The following ADAMTS9 variants were observed in gnomAD, a reference collection of about 807,000 sequenced individuals.
ADAMTS9 encodes A disintegrin and metalloproteinase with thrombospondin motifs 9.
ADAMTS9 carries 107 observed loss-of-function variants against 257.1 expected under a neutral mutation model. The observed-to-expected ratio is 0.42, with a 90% CI of 0.36 to 0.49. ADAMTS9 has a LOEUF of 0.49. Among genes scored for constraint, ADAMTS9 ranks in the 20% least tolerant of loss-of-function variants. The probability of loss-of-function intolerance (pLI) is 0.03; values close to 1 mark genes in which losing one functional copy is unlikely to be tolerated. For synonymous variants in ADAMTS9, 982 were observed against 880.9 expected, an observed-to-expected ratio of 1.11 and a Z score of -2.03; for missense variants, 2,353 against 2,469.1, an observed-to-expected ratio of 0.95 and a Z score of 1.00.
intron 38 of ADAMTS9, among the ~76,000 whole-genome samples, chr3:64,529,403 G>A (rs1301887666): frequency 2.0e-5 from 3 of 152,026 alleles, no homozygotes; most frequent in Non-Finnish European, 2.9e-5. Context: ...AAGGAGGTTT[G>A]GAAAATTGAG....
At position 64,544,417 on chromosome 3, in the gene ADAMTS9, C is replaced by T. The variant is rs528458170; in HGVS notation, c.5064+2341G>A. Among the ~76,000 whole-genome samples the T allele has an allele frequency of 2.0e-5, 3 of 152,214 alleles. No individual in the cohort carries two copies. The South Asian group carries it at 6.2e-4, about 32-fold the overall frequency. On this transcript the variant is annotated intron_variant, in intron 32 of 39. Coordinates refer to ENST00000498707, the MANE Select transcript of ADAMTS9 (RefSeq NM_182920.2). Reference sequence around the variant, plus strand: ...CATGCTACTGGTACCAAAATAGAGACATAGACCAATGGAACAGAACAGAGC... The same window carrying T: ...CATGCTACTGGTACCAAAATAGAGATATAGACCAATGGAACAGAACAGAGC...
At chr3:64,569,071 G>A (rs532475538) in intron 28 of ADAMTS9, 3 of 154,490 alleles carry the variant, frequency 1.9e-5, no homozygotes, top group East Asian at 1.9e-4. Flanking sequence ...TAAGCTAGCA[G>A]GTAAGTCTGT....
At chr3:64,587,468 T>A (rs2106770880) in intron 28 of ADAMTS9, 1 of 152,330 alleles carries the variant, frequency 6.6e-6, no homozygotes, top group East Asian at 1.9e-4. Flanking sequence ...AAAAATTACA[T>A]TAAAAATGCA....
At chr3:64,606,467 T>A (rs552191867) in intron 23 of ADAMTS9, among the ~76,000 whole-genome samples, 2 of 152,318 alleles carry the variant, frequency 1.3e-5, no homozygotes, top group South Asian at 4.1e-4. Context: ...ATAAGTTAAG[T>A]TCTGAGTGTT....
At chr3:64,568,228 A>T in intron 29 of ADAMTS9, 140 bp downstream of exon 29, 1 of 803,434 alleles carries the variant, frequency 1.2e-6, no homozygotes, top group Non-Finnish European at 1.9e-6. Context: ...CTGACTATCT[A>T]GGTAATGATT....
intron 28 of ADAMTS9, among the ~76,000 whole-genome samples, chr3:64,571,745 C>A (rs1209792946): frequency 6.6e-6 from 1 of 152,126 alleles, no homozygotes; most frequent in Admixed American, 6.5e-5. Flanking sequence ...TTCTAACTTA[C>A]CAATGAAGAA....
chr3:64,586,341 A>C (rs981056177), intron 28 of ADAMTS9, among the ~76,000 whole-genome samples: 10 of 152,148 alleles, frequency 6.6e-5, no homozygotes, highest in African/African-American at 1.9e-4. Context: ...TTGTGTGACA[A>C]ATTAAGTGGG....
intron 12 of ADAMTS9, among the ~76,000 whole-genome samples, chr3:64,636,819 T>C (rs1244624449): frequency 1.3e-5 from 2 of 152,206 alleles, no homozygotes; most frequent in African/African-American, 2.4e-5. Flanking sequence ...TGAGTAATTG[T>C]GATGGAGACC....
chr3:64,595,039 G>C lies in ADAMTS9; in HGVS notation c.4180-605C>G, dbSNP rs1009594368. Among the ~76,000 whole-genome samples, 4 of 151,782 alleles carry C rather than the reference G, an allele frequency of 2.6e-5. No individual in the cohort carries two copies. In the East Asian group the frequency reaches 5.8e-4, roughly 22 times the overall value. ...CCTGAGCTCATGATCCTCCCACCTC[G>C]GCCTCCCAACAAAGATTCTTTGAGA... On this transcript the variant is annotated intron_variant, in intron 27 of 39. Transcript: ENST00000498707.
intron 31 of ADAMTS9, among the ~76,000 whole-genome samples, chr3:64,547,409 C>A (rs1056081140): frequency 6.6e-6 from 1 of 151,360 alleles, no homozygotes; most frequent in Admixed American, 6.6e-5. Flanking sequence ...AGCACTGAGC[C>A]AACGGGGACT....
At chr3:64,595,442 C>G (rs1315266068) in intron 27 of ADAMTS9, among the ~76,000 whole-genome samples, 1 of 152,190 alleles carries the variant, frequency 6.6e-6, no homozygotes, top group African/African-American at 2.4e-5. Flanking sequence ...AAGGCCAGAT[C>G]TCCCACAGAA....
At chr3:64,520,516 TATC>T (rs1177513238) in intron 39 of ADAMTS9, among the ~76,000 whole-genome samples, 16 of 151,896 alleles carry the variant, frequency 1.1e-4, no homozygotes, top group Admixed American at 9.8e-4. Flanking sequence ...AAGCCAGAGG[TATC>T]ATATTACCGG....
intron 38 of ADAMTS9, among the ~76,000 whole-genome samples, chr3:64,530,322 G>T (rs551385984): frequency 6.6e-6 from 1 of 152,024 alleles, no homozygotes; most frequent in South Asian, 2.1e-4. Flanking sequence ...AAAAGTGTTG[G>T]GCGGTGGAAG....
At position 64,532,946 on chromosome 3, in the gene ADAMTS9, G is replaced by A. The variant is rs57662484; in HGVS notation, c.5718+220C>T. 0.015 allele frequency among the ~76,000 whole-genome samples: 2,278 copies of A among 152,194 alleles called. 51 individuals are homozygous for A. The highest frequency in any genetic ancestry group is 0.052 in the African/African-American group (2,162 of 41,502). On this transcript the variant is annotated intron_variant, in intron 38 of 39. Transcript: ENST00000498707. ...TGGATGGTTCATATGTTCACCTCTC[G>A]AGGAAGAATTCACCAGAAGTGAACA...
At chr3:64,621,289 T>A in intron 18 of ADAMTS9, 49 bp from the exon 19 acceptor site, 1 of 1,563,382 alleles carries the variant, frequency 6.4e-7, no homozygotes. Context: ...ATCTATTCCA[T>A]AAACTATTTA....
chr3:64,597,816 T>G (rs1576099174), intron 26 of ADAMTS9, among the ~76,000 whole-genome samples: 1 of 152,336 alleles, frequency 6.6e-6, no homozygotes, highest in Admixed American at 6.5e-5. Context: ...ACCCAAAATG[T>G]TTGCTAGTGT....
At chr3:64,638,660 C>T (rs1700560274) in intron 12 of ADAMTS9, among the ~76,000 whole-genome samples, 1 of 152,072 alleles carries the variant, frequency 6.6e-6, no homozygotes, top group Non-Finnish European at 1.5e-5. Flanking sequence ...ACCATATATA[C>T]CAGTTGAGAC....
intron 31 of ADAMTS9, 28 bp downstream of exon 31, chr3:64,550,864 A>T: frequency 6.2e-7 from 1 of 1,612,708 alleles, no homozygotes; most frequent in Non-Finnish European, 8.5e-7. Flanking sequence ...GGCTGAGCTG[A>T]CGATGGTTAC....
At chr3:64,537,644 G>A (rs1009893730) in intron 37 of ADAMTS9, among the ~76,000 whole-genome samples, 5 of 151,942 alleles carry the variant, frequency 3.3e-5, no homozygotes, top group African/African-American at 4.8e-5. Context: ...TGTAGTTGGG[G>A]GTAAATCCAT....
Sources: allele counts gnomAD v4.1 joint callset (sites outside exome capture counted in the v4.1 genomes callset), GRCh38; gene constraint gnomAD v4.1.1; transcripts MANE v1.5; gene names NCBI Gene and HGNC (gene_info 2026-07-23, HGNC 2026-07-21).